The following WDR70 variants were observed in gnomAD, a reference collection of about 807,000 sequenced individuals.
WDR70 encodes the protein WD repeat domain 70.
In WDR70, 53 loss-of-function variants were observed where a neutral mutation model predicts 88.6. The observed-to-expected ratio is 0.60, with a 90% CI of 0.48 to 0.75. The LOEUF (loss-of-function observed/expected upper bound fraction) is 0.75. Ranked by LOEUF, WDR70 falls within the 30% of genes least tolerant of loss-of-function variation. The pLI is 0.00. For missense variants in WDR70, 610 were observed against 823.2 expected (o/e 0.74, Z 3.17); for synonymous variants, 280 against 270.0 (o/e 1.04, Z -0.36).
chr5:37,715,770 C>G (rs1747636326), intron 13 of WDR70, among the ~76,000 whole-genome samples: 1 of 152,188 alleles, frequency 6.6e-6, no homozygotes, highest in African/African-American at 2.4e-5. Context: ...GTTTTTCTTT[C>G]TCTGTGAAGA....
chr5:37,684,025 G>A (rs1402771833), intron 10 of WDR70, among the ~76,000 whole-genome samples: 1 of 152,016 alleles, frequency 6.6e-6, no homozygotes, highest in Non-Finnish European at 1.5e-5. Context: ...ATTTCTCAGT[G>A]GTTTTAGATG....
At chr5:37,439,712 T>C (rs1344029527) in intron 6 of WDR70, among the ~76,000 whole-genome samples, 1 of 151,976 alleles carries the variant, frequency 6.6e-6, no homozygotes, top group Non-Finnish European at 1.5e-5. Context: ...AAGGTGACTT[T>C]TCTCTCTGAT....
intron 10 of WDR70, among the ~76,000 whole-genome samples, chr5:37,641,070 C>G (rs538945732): frequency 6.6e-5 from 10 of 152,286 alleles, no homozygotes; most frequent in African/African-American, 1.2e-4. Context: ...CACTACAAAC[C>G]AATGACCTTT....
At chr5:37,415,171 C>G (rs1163711650) in intron 5 of WDR70, among the ~76,000 whole-genome samples, 1 of 151,548 alleles carries the variant, frequency 6.6e-6, no homozygotes, top group Non-Finnish European at 1.5e-5. Context: ...AAAAGTCTCC[C>G]ATGTCTACTT....
intron 10 of WDR70, among the ~76,000 whole-genome samples, chr5:37,672,953 T>A (rs772564464): frequency 6.6e-6 from 1 of 152,156 alleles, no homozygotes; most frequent in Non-Finnish European, 1.5e-5. Context: ...GGTAAACTTG[T>A]ATCATGGAGG....
At chr5:37,522,771 C>G (rs1260736070) in intron 9 of WDR70, among the ~76,000 whole-genome samples, 1 of 152,186 alleles carries the variant, frequency 6.6e-6, no homozygotes, top group East Asian at 1.9e-4. Flanking sequence ...AAAATCAGGT[C>G]ACTCCCACCC....
At chr5:37,524,082 C>T (rs926992005) in intron 9 of WDR70, among the ~76,000 whole-genome samples, 1 of 152,084 alleles carries the variant, frequency 6.6e-6, no homozygotes, top group Admixed American at 6.6e-5. Context: ...GAGAACTTCC[C>T]CAACCTAGCA....
At chr5:37,726,777 A>T in intron 16 of WDR70, 106 bp from the exon 17 acceptor site, 2 of 1,162,390 alleles carry the variant, frequency 1.7e-6, no homozygotes, top group Non-Finnish European at 2.3e-6. Flanking sequence ...GATGAAATTT[A>T]AGTACTCTTG....
At chr5:37,573,133 G>A (rs951565675) in intron 9 of WDR70, among the ~76,000 whole-genome samples, 9 of 152,156 alleles carry the variant, frequency 5.9e-5, no homozygotes, top group African/African-American at 2.2e-4. Flanking sequence ...ACTTGTTAAA[G>A]CTGGAAGTTA....
rs1225303398 is a variant in WDR70, at chr5:37,721,112, C to T, written c.1417-3C>T. On this transcript the variant is annotated splice_polypyrimidine_tract_variant and splice_region_variant and intron_variant, in intron 13 of 17. Transcript: ENST00000265107. Reference sequence around the variant, plus strand: ...AGTCAACCACTGCGCTTTTCCTTTGCAGAGTGTTGTTCGCTGCCTGTGGCA... The same window carrying T: ...AGTCAACCACTGCGCTTTTCCTTTGTAGAGTGTTGTTCGCTGCCTGTGGCA... 1 of 1,613,354 alleles carries T rather than the reference C, an allele frequency of 6.2e-7. No homozygotes were observed. Among genetic ancestry groups the T allele is most frequent in the Non-Finnish European group, 8.5e-7 (1 of 1,179,610 alleles).
At chr5:37,724,683 A>C (rs1747918717) in intron 15 of WDR70, 1 of 380,704 alleles carries the variant, frequency 2.6e-6, no homozygotes, top group Non-Finnish European at 4.7e-6. Flanking sequence ...GGAGATGGGG[A>C]GCCTCACCGA....
chr5:37,435,140 G>A (rs2112032156), intron 5 of WDR70, among the ~76,000 whole-genome samples: 1 of 152,228 alleles, frequency 6.6e-6, no homozygotes, highest in Admixed American at 6.5e-5. Context: ...ACTAAGTTGT[G>A]TGTCCTTGTA....
chr5:37,432,430 C>G (rs986820384), intron 5 of WDR70, among the ~76,000 whole-genome samples: 2 of 152,284 alleles, frequency 1.3e-5, no homozygotes, highest in East Asian at 3.9e-4. Flanking sequence ...GCTCTGTGGC[C>G]CAGGCTGGAG....
At chr5:37,588,706 A>G (rs1172056245) in intron 9 of WDR70, among the ~76,000 whole-genome samples, 1 of 151,958 alleles carries the variant, frequency 6.6e-6, no homozygotes, top group Non-Finnish European at 1.5e-5. Flanking sequence ...CCTCCCAAGT[A>G]GCTGGGACTA....
intron 10 of WDR70, among the ~76,000 whole-genome samples, chr5:37,646,109 T>C (rs888723174): frequency 2.0e-5 from 3 of 152,098 alleles, no homozygotes; most frequent in Admixed American, 2.0e-4. Flanking sequence ...TTTTTTGCTT[T>C]TTATTTTTTG....
In WDR70 at chr5:37,697,658, C is replaced by T; in HGVS notation, c.1096C>T (p.His366Tyr). Residue 366 changes from histidine to tyrosine, a missense_variant, in exon 11 of 18, where the codon CAT becomes TAT. Physicochemically the swap from His to Tyr is moderately conservative, Grantham distance 83 (BLOSUM62 2). Around this residue, in one of 4 missense-constraint regions of WDR70, gnomAD observed 254 missense variants for 300.7 expected, o/e 0.84. Coordinates refer to ENST00000265107, the MANE Select transcript of WDR70 (RefSeq NM_018034.4). ...CTTTGTTTGTCTTTGTGAATAGGTT[C>T]ATCCTAAGTTCCACTATAAACAGGC... ...IQIWDRNLTV[H>Y]PKFHYKQAHD... 1 of 1,613,392 alleles carries T rather than the reference C, an allele frequency of 6.2e-7. No individual in the cohort carries two copies. The highest frequency in any genetic ancestry group is 8.5e-7 in the Non-Finnish European group (1 of 1,179,450).
intron 9 of WDR70, among the ~76,000 whole-genome samples, chr5:37,530,656 AT>A (rs58165984): frequency 6.8e-6 from 1 of 148,064 alleles, no homozygotes; most frequent in Non-Finnish European, 1.5e-5. Flanking sequence ...AATATCTCCC[AT>A]TTTTTTTCTA....
intron 5 of WDR70, among the ~76,000 whole-genome samples, chr5:37,408,864 G>A (rs965903776): frequency 3.9e-5 from 6 of 152,144 alleles, no homozygotes; most frequent in African/African-American, 1.4e-4. Context: ...GGAATAAAAA[G>A]TGTAAAGTTT....
intron 5 of WDR70, among the ~76,000 whole-genome samples, chr5:37,419,824 A>G (rs1232491515): frequency 6.6e-6 from 1 of 151,956 alleles, no homozygotes; most frequent in African/African-American, 2.4e-5. Flanking sequence ...CAAAAACTGA[A>G]TTTAGTGCAA....
Sources: gnomAD v4.1 joint callset for allele counts (sites outside exome capture counted in the v4.1 genomes callset) on GRCh38, gnomAD v4.1.1 for gene constraint, gnomAD v4.1.1 regional missense constraint, MANE v1.5 for transcripts, NCBI Gene and HGNC (gene_info 2026-07-23, HGNC 2026-07-21) for gene names.